Variants in EPHA6 observed in about 807,000 individuals in gnomAD.
EPHA6 encodes the protein ephrin type-A receptor 6.
Under a neutral mutation model 112.0 loss-of-function variants are expected in EPHA6, and 50 were observed. The ratio of observed to expected loss-of-function variants is 0.45; its 90% confidence interval spans 0.36 to 0.56. The LOEUF is 0.56. EPHA6 is among the 20% of genes least tolerant of loss of function. EPHA6 has a pLI of 0.00. For synonymous variants in EPHA6, 529 were observed against 490.7 expected, an observed-to-expected ratio of 1.08 and a Z score of -1.03; for missense variants, 1,280 against 1,417.4, an observed-to-expected ratio of 0.90 and a Z score of 1.56.
intron 2 of EPHA6, among the ~76,000 whole-genome samples, chr3:96,921,556 G>C (rs2039764346): frequency 6.7e-6 from 1 of 149,802 alleles, no homozygotes; most frequent in African/African-American, 2.4e-5. Context: ...TTCAGAGATA[G>C]TTTTGAATTA....
chr3:96,821,765 A>T (rs527653473), intron 1 of EPHA6, among the ~76,000 whole-genome samples: 1 of 151,978 alleles, frequency 6.6e-6, no homozygotes, highest in East Asian at 1.9e-4. Context: ...TTATTTAAAA[A>T]TATCTATTAT....
At chr3:97,452,308 A>C (rs190513782) in intron 7 of EPHA6, among the ~76,000 whole-genome samples, 2 of 151,946 alleles carry the variant, frequency 1.3e-5, no homozygotes, top group Non-Finnish European at 3.0e-5. Context: ...TTTCCCCTCT[A>C]CCGAAATCTA....
At chr3:97,030,950 T>G (rs1267760197) in intron 3 of EPHA6, among the ~76,000 whole-genome samples, 2 of 152,158 alleles carry the variant, frequency 1.3e-5, no homozygotes, top group East Asian at 3.9e-4. Context: ...TTGGCCAATT[T>G]AAATTCAAAG....
At chr3:96,926,398 C>T (rs2040038094) in intron 2 of EPHA6, among the ~76,000 whole-genome samples, 2 of 152,104 alleles carry the variant, frequency 1.3e-5, no homozygotes, top group African/African-American at 2.4e-5. Flanking sequence ...TGCCCCCCTG[C>T]CCCCCAACAA....
At chr3:97,159,540 G>A (rs1251657826) in intron 3 of EPHA6, among the ~76,000 whole-genome samples, 1 of 152,054 alleles carries the variant, frequency 6.6e-6, no homozygotes, top group Admixed American at 6.6e-5. Context: ...ATGGCTGCTG[G>A]AGAAGCCATA....
At chr3:97,662,717 C>T (rs917686415) in intron 14 of EPHA6, among the ~76,000 whole-genome samples, 4 of 152,136 alleles carry the variant, frequency 2.6e-5, no homozygotes, top group African/African-American at 7.2e-5. Flanking sequence ...CTACTGTTAA[C>T]AAGTGGAACA....
chr3:97,069,116 C>G (rs2046274994), intron 3 of EPHA6, among the ~76,000 whole-genome samples: 1 of 152,120 alleles, frequency 6.6e-6, no homozygotes, highest in Non-Finnish European at 1.5e-5. Flanking sequence ...GACTACCCCA[C>G]AGTTTAACTA....
chr3:97,436,766 G>A (rs949451908), intron 6 of EPHA6, among the ~76,000 whole-genome samples: 1 of 152,150 alleles, frequency 6.6e-6, no homozygotes, highest in East Asian at 1.9e-4. Flanking sequence ...CCAAAAGACA[G>A]TTTTGGATGC....
chr3:97,359,235 T>C (rs995580770), intron 5 of EPHA6, among the ~76,000 whole-genome samples: 2 of 152,052 alleles, frequency 1.3e-5, no homozygotes, highest in Admixed American at 1.3e-4. Flanking sequence ...CTGTTCACAT[T>C]TCCTCAACCA....
At chr3:96,955,575 C>G (rs2041725175) in intron 2 of EPHA6, among the ~76,000 whole-genome samples, 1 of 151,994 alleles carries the variant, frequency 6.6e-6, no homozygotes, top group Non-Finnish European at 1.5e-5. Context: ...TGGTAAATTT[C>G]AAGACTAATG....
intron 16 of EPHA6, among the ~76,000 whole-genome samples, chr3:97,739,140 C>T (rs966519142): frequency 1.3e-5 from 2 of 152,020 alleles, no homozygotes; most frequent in African/African-American, 2.4e-5. Flanking sequence ...AGTTGTCTGC[C>T]CCAGAGTGAT....
chr3:97,607,383 T>C (rs546238371), intron 12 of EPHA6, among the ~76,000 whole-genome samples: 57 of 151,164 alleles, frequency 3.8e-4, no homozygotes, highest in African/African-American at 1.4e-3. Context: ...TATATATTGG[T>C]CAATATTCCC....
At chr3:96,913,367 C>T (rs2039328806) in intron 2 of EPHA6, among the ~76,000 whole-genome samples, 1 of 142,374 alleles carries the variant, frequency 7.0e-6, no homozygotes, top group Non-Finnish European at 1.6e-5. Flanking sequence ...GAGACCCTCT[C>T]TCAAAAAAAA....
chr3:96,927,042 A>G (rs566400733), intron 2 of EPHA6, among the ~76,000 whole-genome samples: 8 of 152,348 alleles, frequency 5.3e-5, no homozygotes, highest in Non-Finnish European at 8.8e-5. Context: ...ACATCTGAGC[A>G]TTTCCATACA....
chr3:97,422,354 A>G (rs2088732847), intron 6 of EPHA6, among the ~76,000 whole-genome samples: 1 of 152,134 alleles, frequency 6.6e-6, no homozygotes, highest in Non-Finnish European at 1.5e-5. Flanking sequence ...GTAAGAAAAT[A>G]CACTCAACTT....
chr3:97,481,152 C>G (rs1033171954), intron 9 of EPHA6: 25 of 756,510 alleles, frequency 3.3e-5, no homozygotes, highest in Admixed American at 1.9e-4. Flanking sequence ...TGTAGAGAGC[C>G]GAGATCACGC....
At chr3:97,729,819 A>G (rs1422727432) in intron 15 of EPHA6, among the ~76,000 whole-genome samples, 1 of 152,024 alleles carries the variant, frequency 6.6e-6, no homozygotes, top group Non-Finnish European at 1.5e-5. Context: ...AATCTGTATA[A>G]ATAATCGTTA....
chr3:97,211,663 C>T (rs553648695), intron 3 of EPHA6, among the ~76,000 whole-genome samples: 1 of 152,272 alleles, frequency 6.6e-6, no homozygotes, highest in East Asian at 1.9e-4. Context: ...TTCCCAAAGT[C>T]CCCATCTTCA....
intron 3 of EPHA6, among the ~76,000 whole-genome samples, chr3:97,062,326 A>T (rs2046047228): frequency 6.6e-6 from 1 of 150,828 alleles, no homozygotes; most frequent in South Asian, 2.1e-4. Flanking sequence ...AATAAGAAGT[A>T]AAGAGAACTA....
Sources: gnomAD v4.1 joint callset for allele counts (sites outside exome capture counted in the v4.1 genomes callset) on GRCh38, gnomAD v4.1.1 for gene constraint, MANE v1.5 for transcripts, NCBI Gene and HGNC (gene_info 2026-07-23, HGNC 2026-07-21) for gene names.